The following LGI2 variants were observed in gnomAD, a reference collection of about 807,000 sequenced individuals.
LGI2 encodes leucine rich repeat LGI family member 2.
In LGI2, 30 loss-of-function variants were observed where a neutral mutation model predicts 52.0. The ratio of observed to expected loss-of-function variants is 0.58; its 90% CI spans 0.43 to 0.78. LGI2 has a LOEUF of 0.78. LGI2 is among the 30% of genes least tolerant of loss of function. The pLI, the probability that LGI2 is intolerant of heterozygous loss-of-function variation, is 0.00. For missense variants in LGI2, 573 were observed against 692.5 expected (o/e 0.83, Z 1.94); for synonymous variants, 270 against 271.8 (o/e 0.99, Z 0.06).
chr4:25,013,114 C>G (rs1270410963), intron 6 of LGI2, among the ~76,000 whole-genome samples: 1 of 152,186 alleles, frequency 6.6e-6, no homozygotes, highest in Non-Finnish European at 1.5e-5. Context: ...GAAACCAAAC[C>G]AAACCCTCTG....
At chr4:25,013,077 AC>A (rs1190451267) in intron 6 of LGI2, among the ~76,000 whole-genome samples, 1 of 152,078 alleles carries the variant, frequency 6.6e-6, no homozygotes, top group African/African-American at 2.4e-5. Context: ...TGAATGGTAC[AC>A]TCCCCAAATG....
At chr4:24,994,907 T>C (rs151227792), downstream of LGI2, among the ~76,000 whole-genome samples, 248 of 152,264 alleles carry the variant, frequency 1.6e-3, 1 homozygote, top group East Asian at 0.024. Context: ...CAAACGCAGC[T>C]TAGGAGACCT....
chr4:25,008,380 C>T (rs1725460858), intron 7 of LGI2, among the ~76,000 whole-genome samples: 1 of 151,916 alleles, frequency 6.6e-6, no homozygotes, highest in African/African-American at 2.4e-5. Flanking sequence ...TGGTGAAACC[C>T]CGTCTCTACT....
chr4:25,026,802 G>A, intron 3 of LGI2, 66 bp downstream of exon 3: 2 of 1,297,032 alleles, frequency 1.5e-6, no homozygotes, highest in South Asian at 2.4e-5. Flanking sequence ...TTCCAGCACA[G>A]AAACCAATCC....
chr4:24,994,531 A>G (rs1449315111), downstream of LGI2, among the ~76,000 whole-genome samples: 2 of 152,124 alleles, frequency 1.3e-5, no homozygotes, highest in African/African-American at 4.8e-5. Flanking sequence ...AGGACCAGAA[A>G]CTGAACACGC....
chr4:25,005,498 C>T (rs1013691158), intron 7 of LGI2, among the ~76,000 whole-genome samples: 1 of 151,464 alleles, frequency 6.6e-6, no homozygotes, highest in Non-Finnish European at 1.5e-5. Context: ...ACAATGTATA[C>T]ATATTTCAAA....
rs777119780 is a variant in LGI2, at chr4:25,024,814, A to T, written c.413+6T>A. On this transcript the variant is annotated splice_donor_region_variant and intron_variant, in intron 4 of 7. Coordinates refer to ENST00000382114, the MANE Select transcript of LGI2 (RefSeq NM_018176.4). ...GAGGACTTACAATACTTTTCATAGG[A>T]CTTACAGGTGAGTCAGGTCACGGAG... is the stretch of plus-strand genomic sequence containing the variant. The T allele has an allele frequency of 6.3e-7, 1 of 1,595,382 alleles. No individual in the cohort carries two copies. Among genetic ancestry groups the T allele is most frequent in the Non-Finnish European group, 8.5e-7 (1 of 1,170,054 alleles).
chr4:25,012,609 G>T, intron 6 of LGI2, 110 bp from the exon 7 acceptor site: 10 of 1,139,128 alleles, frequency 8.8e-6, no homozygotes, highest in Admixed American at 6.3e-5. Flanking sequence ...CTGGGGAGGA[G>T]GAGGAGGATA....
Position 25,030,783 on chromosome 4 carries a change from G to A in LGI2, c.-90C>T, listed in dbSNP as rs1044601062. On this transcript the variant is annotated 5_prime_UTR_variant, in exon 1 of 8. Coordinates refer to ENST00000382114, the MANE Select transcript of LGI2 (RefSeq NM_018176.4). ...GCCGCTGCAGACGCGGGCGCCGCTCGCTGCTCTGCCGCCGCCGCTGCTGGC... is the reference window on the plus strand; with the variant it reads ...GCCGCTGCAGACGCGGGCGCCGCTCACTGCTCTGCCGCCGCCGCTGCTGGC... The A allele has an allele frequency of 2.8e-6, 2 of 712,722 alleles. No individual in the cohort carries two copies. Among genetic ancestry groups the A allele is most frequent in the Non-Finnish European group, 3.5e-6 (2 of 574,396 alleles). The allele number at this position is 712,722 out of a possible 1,614,324, so 44.1% of individuals were successfully genotyped here. A position where few individuals can be genotyped will look rare whatever the true frequency, so the allele number is the denominator to read the frequency against.
chr4:25,002,242 T>TG lies in LGI2; in HGVS notation c.*1208dup, dbSNP rs11451023. On this transcript the variant is annotated 3_prime_UTR_variant, in exon 8 of 8. Coordinates refer to ENST00000382114, the MANE Select transcript of LGI2 (RefSeq NM_018176.4). ...CCAACACGTGGCCCCATGTGGGTCC[T>TG]GGCGGGGGTTCCTTTGGTAAAGTAC... The TG allele has an allele frequency of 0.12, 17,584 of 152,232 alleles. 1,897 individuals are homozygous for TG. Among genetic ancestry groups the TG allele is most frequent in the African/African-American group, 0.29 (11,869 of 41,442 alleles). The allele number at this position is 152,232 out of a possible 1,614,324, so 9.4% of individuals were successfully genotyped here.
At position 25,003,016 on chromosome 4, in the gene LGI2, AT is replaced by A. The variant is rs1425743922; in HGVS notation, c.*434del. The A allele has an allele frequency of 6.5e-6, 1 of 153,910 alleles. No individual in the cohort carries two copies. Among genetic ancestry groups the A allele is most frequent in the Admixed American group, 6.5e-5 (1 of 15,316 alleles). 9.5% of individuals were successfully genotyped at this position (153,910 alleles called of 1,614,324 possible). On this transcript the variant is annotated 3_prime_UTR_variant, in exon 8 of 8. Coordinates refer to ENST00000382114, the MANE Select transcript of LGI2 (RefSeq NM_018176.4). Reference sequence around the variant, plus strand: ...AGATTTTTAAACTAATAATCAGCAAATCTTTTCAGCAGACTTTTGGCTTTAA... The same window carrying A: ...AGATTTTTAAACTAATAATCAGCAAACTTTTCAGCAGACTTTTGGCTTTAA...
chr4:25,018,372 G>C (rs920972335), intron 5 of LGI2, among the ~76,000 whole-genome samples: 14 of 152,126 alleles, frequency 9.2e-5, no homozygotes, highest in African/African-American at 3.4e-4. Flanking sequence ...GAATTTAACT[G>C]AATAACTGTA....
In LGI2 at chr4:25,026,928, G is replaced by C; in HGVS notation, c.281C>G (p.Ser94Cys). 3.1e-6 allele frequency: 5 copies of C among 1,612,970 alleles called. No homozygotes were observed. Among genetic ancestry groups the C allele is most frequent in the Non-Finnish European group, 4.2e-6 (5 of 1,178,926 alleles). The change falls in exon 3 of 8, where the codon TCT becomes TGT. Residue 94 changes from serine (S) to cysteine (C), a missense_variant. Ser to Cys is a moderately radical substitution (Grantham distance 112). Transcript: ENST00000382114. ...LPSLQLLLLN[S>C]NSFTIIRDDA... ...ATCCCGGATGATCGTGAATGAGTTA[G>C]AATTCAGCAATCTGAAAGTAAGAGA...
chr4:25,030,004 G>A (rs1433593529), intron 1 of LGI2, among the ~76,000 whole-genome samples: 1 of 152,170 alleles, frequency 6.6e-6, no homozygotes, highest in Non-Finnish European at 1.5e-5. Context: ...GTGGGGCAGT[G>A]AGGCCTCACC....
chr4:25,003,583 A>G lies in LGI2; in HGVS notation c.1506T>C (p.Phe502=), dbSNP rs1725310181. Residue 502 remains phenylalanine, a synonymous_variant, in exon 8 of 8, where the codon TTT becomes TTC. Coordinates refer to ENST00000382114, the MANE Select transcript of LGI2 (RefSeq NM_018176.4). ...GAGGCGCCTGCACGTAAATCTCCTT[A>G]AACTTTTTGAATAGCTGCTTCTCTT... ...WDKEKQLFKK[F]KEIYVQAPRS... 1.2e-6 allele frequency: 2 copies of G among 1,614,174 alleles called. No homozygotes were observed. The highest frequency in any genetic ancestry group is 1.3e-5 in the African/African-American group (1 of 75,040).
In LGI2 at chr4:25,030,859, T is replaced by C. The variant is rs1726323941; in HGVS notation, c.-166A>G. 1 of 220,486 alleles carries C rather than the reference T, an allele frequency of 4.5e-6. No individual in the cohort carries two copies. The highest frequency in any genetic ancestry group is 6.4e-5 in the Admixed American group (1 of 15,600). 13.7% of individuals were successfully genotyped at this position (220,486 alleles called of 1,614,324 possible). On this transcript the variant is annotated 5_prime_UTR_variant, in exon 1 of 8. It removes an upstream start codon present in the reference 5' UTR. Coordinates refer to ENST00000382114, the MANE Select transcript of LGI2 (RefSeq NM_018176.4). The stretch of plus-strand genomic sequence containing the variant: ...GAGGCCGAGCCGCAGCCGAGCAGCA[T>C]GCTGGCCGCCACCCCCACTCGGCGC...
chr4:25,027,623 T>G (rs1726192490), intron 2 of LGI2, among the ~76,000 whole-genome samples: 1 of 152,216 alleles, frequency 6.6e-6, no homozygotes, highest in Non-Finnish European at 1.5e-5. Context: ...AACAAAAGTA[T>G]CAAGAGTATG....
chr4:25,012,508 G>C lies in LGI2; in HGVS notation c.656-9C>G. ...CTGATGAACAACAAAATCTGGGGAT[G>C]GGTGTTTAAAAAGAAAAGCGTTCAT... On this transcript the variant is annotated splice_polypyrimidine_tract_variant and intron_variant, in intron 6 of 7. Coordinates refer to ENST00000382114, the MANE Select transcript of LGI2 (RefSeq NM_018176.4). 1 of 1,611,930 alleles carries C rather than the reference G, an allele frequency of 6.2e-7. No individual in the cohort carries two copies. Among genetic ancestry groups the C allele is most frequent in the Non-Finnish European group, 8.5e-7 (1 of 1,178,464 alleles).
In LGI2 at chr4:25,001,619, T is replaced by G. The variant is rs1354884678; in HGVS notation, c.*1832A>C. On this transcript the variant is annotated 3_prime_UTR_variant, in exon 8 of 8. Coordinates refer to ENST00000382114, the MANE Select transcript of LGI2 (RefSeq NM_018176.4). ...TAAAAATGAAAACAAACCACTTTTCTCCTGTTTGCTTGGTATTTTGCAGAA... is the reference window on the plus strand; with the variant it reads ...TAAAAATGAAAACAAACCACTTTTCGCCTGTTTGCTTGGTATTTTGCAGAA... The G allele has an allele frequency of 6.6e-6, 1 of 152,180 alleles. No homozygotes were observed. 9.4% of individuals were successfully genotyped at this position (152,180 alleles called of 1,614,324 possible).
Sources: gnomAD v4.1 joint callset for allele counts (sites outside exome capture counted in the v4.1 genomes callset) on GRCh38, gnomAD v4.1.1 for gene constraint, MANE v1.5 for transcripts, NCBI Gene and HGNC (gene_info 2026-07-23, HGNC 2026-07-21) for gene names.